The following NCKAP5 variants were observed in gnomAD, a reference collection of about 807,000 sequenced individuals.
NCKAP5 encodes NCK associated protein 5.
In NCKAP5, 92 loss-of-function variants were observed where a neutral mutation model predicts 167.0. The ratio of observed to expected loss-of-function variants is 0.55; its 90% CI spans 0.47 to 0.66. NCKAP5 has a LOEUF of 0.66. NCKAP5 is among the 30% of genes least tolerant of loss of function. The pLI is 0.00. For synonymous variants in NCKAP5, 891 were observed against 877.4 expected, an observed-to-expected ratio of 1.02 and a Z score of -0.27; for missense variants, 2,378 against 2,315.0, an observed-to-expected ratio of 1.03 and a Z score of -0.56.
intron 3 of NCKAP5, among the ~76,000 whole-genome samples, chr2:133,468,742 T>C (rs931084819): frequency 1.3e-5 from 2 of 152,256 alleles, no homozygotes; most frequent in African/African-American, 4.8e-5. Flanking sequence ...TCTTGTTGAA[T>C]TGATCCCTTT....
Position 133,552,845 on chromosome 2 carries a change from A to C in NCKAP5, c.-62+6205T>G, listed in dbSNP as rs73957108. Among the ~76,000 whole-genome samples, 1,500 of 152,196 alleles carry C rather than the reference A, an allele frequency of 9.9e-3. 23 individuals are homozygous for C. The highest frequency in any genetic ancestry group is 0.035 in the African/African-American group (1,442 of 41,538). ...GAACGAACACTCTTTTTACAGAACA[A>C]ATCCCTTTCTTATCAGTTCAACCAT... On this transcript the variant is annotated intron_variant, in intron 2 of 19. Coordinates refer to ENST00000409261, the MANE Select transcript of NCKAP5 (RefSeq NM_207363.3).
intron 5 of NCKAP5, among the ~76,000 whole-genome samples, chr2:133,144,929 CA>C (rs2083133524): frequency 6.6e-6 from 1 of 152,026 alleles, no homozygotes; most frequent in Non-Finnish European, 1.5e-5. Context: ...CATTTTACGT[CA>C]AACTAATCTC....
intron 7 of NCKAP5, among the ~76,000 whole-genome samples, chr2:132,987,379 C>T (rs888180490): frequency 8.5e-5 from 13 of 152,158 alleles, no homozygotes; most frequent in African/African-American, 3.1e-4. Context: ...ATGTGCTTTC[C>T]ACATACCATA....
At chr2:132,847,234 T>C (rs1167593124) in intron 11 of NCKAP5, among the ~76,000 whole-genome samples, 1 of 152,180 alleles carries the variant, frequency 6.6e-6, no homozygotes, top group Non-Finnish European at 1.5e-5. Context: ...AAAATAATGA[T>C]AAAGGAATAA....
intron 5 of NCKAP5, among the ~76,000 whole-genome samples, chr2:133,176,102 T>A (rs560943373): frequency 6.6e-6 from 1 of 152,278 alleles, no homozygotes; most frequent in South Asian, 2.1e-4. Flanking sequence ...ATATCCAGCA[T>A]CCCTGTTGGG....
At chr2:132,988,336 A>G (rs1277599837) in intron 7 of NCKAP5, among the ~76,000 whole-genome samples, 1 of 151,800 alleles carries the variant, frequency 6.6e-6, no homozygotes, top group Non-Finnish European at 1.5e-5. Flanking sequence ...GTGGCACACG[A>G]CTGTAGGCCC....
At chr2:133,408,188 C>T (rs543183606) in intron 3 of NCKAP5, among the ~76,000 whole-genome samples, 4 of 152,136 alleles carry the variant, frequency 2.6e-5, no homozygotes, top group Non-Finnish European at 5.9e-5. Context: ...TGATTGAAGG[C>T]ATGATGATGA....
At chr2:132,793,517 T>C (rs996697907) in intron 12 of NCKAP5, among the ~76,000 whole-genome samples, 5 of 152,246 alleles carry the variant, frequency 3.3e-5, no homozygotes, top group African/African-American at 1.2e-4. Flanking sequence ...GAGATGTATG[T>C]AGTATTTTTA....
rs139636715 is a variant in NCKAP5 at position 132,749,556 on chromosome 2, T to A, written c.5129-17505A>T. Among the ~76,000 whole-genome samples the A allele has an allele frequency of 7.8e-4, 119 of 152,340 alleles. 1 individual carries two copies. Among genetic ancestry groups the A allele is most frequent in the African/African-American group, 2.5e-3 (102 of 41,578 alleles). ...AAAAGATGGTCCTTTTAAAATTATT[T>A]TTCCACATTTACCATCAACGCACTA... On this transcript the variant is annotated intron_variant, in intron 16 of 19. Coordinates refer to ENST00000409261, the MANE Select transcript of NCKAP5 (RefSeq NM_207363.3).
chr2:132,902,429 C>T (rs1024745456), intron 8 of NCKAP5, among the ~76,000 whole-genome samples: 2 of 152,292 alleles, frequency 1.3e-5, no homozygotes, highest in South Asian at 4.1e-4. Context: ...TGACAGGAAA[C>T]AAGAGTACTG....
At chr2:132,690,116 A>G (rs1686528880) in intron 19 of NCKAP5, among the ~76,000 whole-genome samples, 1 of 150,926 alleles carries the variant, frequency 6.6e-6, no homozygotes, top group Admixed American at 6.6e-5. Context: ...CATTGATGAG[A>G]AAAAAAAATC....
intron 15 of NCKAP5, among the ~76,000 whole-genome samples, chr2:132,774,528 C>T (rs1249172878): frequency 2.0e-5 from 3 of 151,724 alleles, no homozygotes; most frequent in Admixed American, 2.0e-4. Context: ...GTTGGAAGGC[C>T]CAGGCACTAG....
At chr2:133,205,291 TTAGATAGA>T (rs36008566) in intron 5 of NCKAP5, among the ~76,000 whole-genome samples, 215 of 149,768 alleles carry the variant, frequency 1.4e-3, no homozygotes, top group African/African-American at 5.1e-3. Flanking sequence ...GACTCTGAAA[TTAGATAGA>T]TAGATAGATA....
At chr2:133,033,130 C>G (rs56816882) in intron 6 of NCKAP5, among the ~76,000 whole-genome samples, 7,606 of 152,254 alleles carry the variant, frequency 0.05, 615 homozygotes, top group African/African-American at 0.17. Flanking sequence ...TGGTATCACT[C>G]CACTCCCAGC....
chr2:133,345,502 C>A (rs1683910737), intron 3 of NCKAP5, among the ~76,000 whole-genome samples: 1 of 152,152 alleles, frequency 6.6e-6, no homozygotes, highest in Non-Finnish European at 1.5e-5. Flanking sequence ...CCTCGGTACA[C>A]ATTATAATCA....
intron 4 of NCKAP5, among the ~76,000 whole-genome samples, chr2:133,241,070 G>A (rs1306486192): frequency 2.0e-5 from 3 of 152,124 alleles, no homozygotes; most frequent in African/African-American, 7.2e-5. Context: ...TCTGTTTCAA[G>A]CCTGTGACTA....
Position 132,788,129 on chromosome 2 carries a change from G to A in NCKAP5, c.1092+1894C>T, listed in dbSNP as rs531679043. Reference sequence around the variant, plus strand: ...GGCCAATCTTGAAGCTTGGGGGTAGGAGACACACGAATGCCCCGTGGGAGT... The same window carrying A: ...GGCCAATCTTGAAGCTTGGGGGTAGAAGACACACGAATGCCCCGTGGGAGT... On this transcript the variant is annotated intron_variant, in intron 13 of 19. Coordinates refer to ENST00000409261, the MANE Select transcript of NCKAP5 (RefSeq NM_207363.3). Among the ~76,000 whole-genome samples the A allele has an allele frequency of 2.0e-5, 3 of 152,260 alleles. No homozygotes were observed. The South Asian group carries it at 6.2e-4, about 32-fold the overall frequency.
intron 4 of NCKAP5, among the ~76,000 whole-genome samples, chr2:133,286,546 G>T (rs1320160087): frequency 6.6e-6 from 1 of 152,162 alleles, no homozygotes; most frequent in Non-Finnish European, 1.5e-5. Context: ...TTGCCTAAAG[G>T]TTATTAACAA....
chr2:132,674,895 C>T (rs987531758), intron 19 of NCKAP5, among the ~76,000 whole-genome samples: 18 of 152,208 alleles, frequency 1.2e-4, no homozygotes, highest in East Asian at 5.8e-4. Flanking sequence ...AAACCAGAGG[C>T]GGGCTAAGGA....
Sources: allele counts gnomAD v4.1 joint callset (sites outside exome capture counted in the v4.1 genomes callset), GRCh38; gene constraint gnomAD v4.1.1; transcripts MANE v1.5; gene names NCBI Gene and HGNC (gene_info 2026-07-23, HGNC 2026-07-21).